The following TTLL5 variants were observed in gnomAD, a reference collection of about 807,000 sequenced individuals.
The protein encoded by TTLL5 is tubulin polyglutamylase TTLL5.
TTLL5 carries 132 observed loss-of-function variants against 168.4 expected under a neutral mutation model. The observed-to-expected ratio is 0.78, with a 90% CI of 0.68 to 0.91. TTLL5 has a LOEUF of 0.91. Among genes scored for constraint, TTLL5 ranks in the 40% least tolerant of loss-of-function variants. The pLI is 0.00. For missense variants in TTLL5, 1,545 were observed against 1,581.5 expected (o/e 0.98, Z 0.39); for synonymous variants, 546 against 558.6 (o/e 0.98, Z 0.32).
At chr14:75,669,090 C>G (rs1189077831) in intron 2 of TTLL5, among the ~76,000 whole-genome samples, 4 of 152,078 alleles carry the variant, frequency 2.6e-5, no homozygotes, top group Non-Finnish European at 5.9e-5. Flanking sequence ...AGAAAGAAAC[C>G]ATTGCTTTCT....
intron 15 of TTLL5, chr14:75,744,342 A>G (rs899604652): frequency 6.6e-6 from 1 of 152,204 alleles, no homozygotes; most frequent in African/African-American, 2.4e-5. Flanking sequence ...CTCCACTCGC[A>G]TAAAATCAAA....
At chr14:75,818,085 G>A (rs1451895553) in intron 27 of TTLL5, among the ~76,000 whole-genome samples, 1 of 151,948 alleles carries the variant, frequency 6.6e-6, no homozygotes, top group Non-Finnish European at 1.5e-5. Flanking sequence ...TGATCCACCT[G>A]CCTCAGCCTC....
chr14:75,952,021 A>G (rs2034976731), intron 31 of TTLL5, among the ~76,000 whole-genome samples: 1 of 152,348 alleles, frequency 6.6e-6, no homozygotes, highest in African/African-American at 2.4e-5. Flanking sequence ...TTGAGAAAAT[A>G]TTTACAAATC....
chr14:75,887,679 T>C (rs2032189657), intron 30 of TTLL5, among the ~76,000 whole-genome samples: 1 of 152,206 alleles, frequency 6.6e-6, no homozygotes, highest in African/African-American at 2.4e-5. Flanking sequence ...CTCTTCCCCC[T>C]ACATCACTGA....
intron 27 of TTLL5, among the ~76,000 whole-genome samples, chr14:75,815,882 C>G (rs1390586769): frequency 1.3e-5 from 2 of 152,190 alleles, no homozygotes; most frequent in Non-Finnish European, 2.9e-5. Context: ...CAGTATCTAC[C>G]TCTGTGAATA....
At position 75,949,836 on chromosome 14, in the gene TTLL5, C is replaced by T. The variant is rs368734698; in HGVS notation, c.3824-4588C>T. Among the ~76,000 whole-genome samples, 233 of 148,616 alleles carry T rather than the reference C, an allele frequency of 1.6e-3. 1 individual carries two copies. The highest frequency in any genetic ancestry group is 5.4e-3 in the African/African-American group (218 of 40,222). On this transcript the variant is annotated intron_variant, in intron 31 of 31. Coordinates refer to ENST00000298832, the MANE Select transcript of TTLL5 (RefSeq NM_015072.5). ...CTGCACTCCAGCCTGGACAATAGAG[C>T]GAGACTCTGTCTCCAAAAAAAAAGA...
chr14:75,864,426 G>C (rs2030334665), intron 29 of TTLL5, among the ~76,000 whole-genome samples: 2 of 152,158 alleles, frequency 1.3e-5, no homozygotes, highest in South Asian at 4.1e-4. Context: ...ACTAGGCACT[G>C]TTTTAAACAG....
chr14:75,759,798 A>T (rs1890514403), intron 18 of TTLL5, among the ~76,000 whole-genome samples: 1 of 152,138 alleles, frequency 6.6e-6, no homozygotes, highest in Non-Finnish European at 1.5e-5. Context: ...GATATCCCAA[A>T]AAAGCAACTG....
At chr14:75,857,961 TTTGTAA>T (rs1897219621) in intron 28 of TTLL5, among the ~76,000 whole-genome samples, 1 of 152,124 alleles carries the variant, frequency 6.6e-6, no homozygotes. Context: ...TAGAATTCAT[TTTGTAA>T]TCATCCGGGC....
chr14:75,851,455 G>C (rs1238641792), intron 28 of TTLL5, among the ~76,000 whole-genome samples: 2 of 152,170 alleles, frequency 1.3e-5, no homozygotes, highest in African/African-American at 4.8e-5. Flanking sequence ...TTAGCCTTGG[G>C]GGAGGGGAGG....
intron 28 of TTLL5, among the ~76,000 whole-genome samples, chr14:75,852,917 G>A (rs1896939198): frequency 2.6e-5 from 4 of 152,144 alleles, no homozygotes; most frequent in Admixed American, 2.6e-4. Context: ...AGATTTCTTA[G>A]TAGACTGTTT....
chr14:75,884,633 T>C (rs2032002114), intron 30 of TTLL5, among the ~76,000 whole-genome samples: 1 of 152,200 alleles, frequency 6.6e-6, no homozygotes, highest in African/African-American at 2.4e-5. Context: ...AAAGGCATGC[T>C]GTGAGGCGTT....
chr14:75,729,966 A>G (rs1319975628), intron 12 of TTLL5, among the ~76,000 whole-genome samples: 1 of 152,226 alleles, frequency 6.6e-6, no homozygotes, highest in Non-Finnish European at 1.5e-5. Context: ...AGTGGGTTTC[A>G]TTGATTGTTA....
At chr14:75,875,155 G>A (rs1343496834) in intron 29 of TTLL5, among the ~76,000 whole-genome samples, 6 of 149,436 alleles carry the variant, frequency 4.0e-5, no homozygotes, top group Non-Finnish European at 7.4e-5. Flanking sequence ...GGATGGTCTC[G>A]ATCTCCTGAC....
intron 6 of TTLL5, among the ~76,000 whole-genome samples, chr14:75,693,860 G>A (rs1885633959): frequency 6.6e-6 from 1 of 152,178 alleles, no homozygotes; most frequent in South Asian, 2.1e-4. Context: ...AGATTTCAAA[G>A]CAATGGGTAA....
intron 29 of TTLL5, among the ~76,000 whole-genome samples, chr14:75,869,013 AGT>A (rs3138589): frequency 0.07 from 8,660 of 124,236 alleles, 219 homozygotes; most frequent in Middle Eastern, 0.098. Context: ...AGAGGGGAGG[AGT>A]GTGTGTGTGT....
In TTLL5 at chr14:75,954,690, A is replaced by T; in HGVS notation, c.*244A>T. 1.7e-6 allele frequency: 1 copy of T among 580,350 alleles called. No individual in the cohort carries two copies. Among genetic ancestry groups the T allele is most frequent in the Non-Finnish European group, 3.1e-6 (1 of 325,798 alleles). The allele number at this position is 580,350 out of a possible 1,614,324, so 36.0% of individuals were successfully genotyped here. A position where few individuals can be genotyped will look rare whatever the true frequency, so the allele number is the denominator to read the frequency against. Reference sequence around the variant, plus strand: ...ACTTGGCAGTGGGGACATTCAGCTGATGCATTATATACCCCGTCAGAGCAC... The same window carrying T: ...ACTTGGCAGTGGGGACATTCAGCTGTTGCATTATATACCCCGTCAGAGCAC... On this transcript the variant is annotated 3_prime_UTR_variant, in exon 32 of 32. Transcript: ENST00000298832.
At chr14:75,738,208 T>A (rs984178088) in intron 15 of TTLL5, among the ~76,000 whole-genome samples, 2 of 152,218 alleles carry the variant, frequency 1.3e-5, no homozygotes, top group African/African-American at 4.8e-5. Flanking sequence ...GATTAACCAT[T>A]GCTTTCTTCT....
At chr14:75,894,665 A>G (rs1381081715) in intron 30 of TTLL5, among the ~76,000 whole-genome samples, 2 of 152,250 alleles carry the variant, frequency 1.3e-5, no homozygotes, top group Non-Finnish European at 2.9e-5. Context: ...AAACTCTTCC[A>G]TTAAAAAAGA....
Sources: allele counts gnomAD v4.1 joint callset (sites outside exome capture counted in the v4.1 genomes callset), GRCh38; gene constraint gnomAD v4.1.1; transcripts MANE v1.5; gene names NCBI Gene and HGNC (gene_info 2026-07-23, HGNC 2026-07-21).